WNK2: variants seen among roughly 807,000 people sequenced by gnomAD.
WNK2 encodes the protein serine/threonine-protein kinase WNK2.
WNK2 carries 67 observed loss-of-function variants against 192.1 expected under a neutral mutation model. The observed-to-expected ratio is 0.35, with a 90% CI of 0.29 to 0.43. The LOEUF (loss-of-function observed/expected upper bound fraction) is 0.43, where lower values mean the gene tolerates loss of function less well. Among genes scored for constraint, WNK2 ranks in the 20% least tolerant of loss-of-function variants. The pLI, the probability that WNK2 is intolerant of heterozygous loss-of-function variation, is 1.00. For missense variants in WNK2, 2,698 were observed against 3,089.7 expected, an observed-to-expected ratio of 0.87 and a Z score of 3.01; for synonymous variants, 1,439 against 1,393.9, an observed-to-expected ratio of 1.03 and a Z score of -0.72.
Position 93,256,457 on chromosome 9 carries a change from G to T in WNK2, c.2190+3G>T, listed in dbSNP as rs925672326. ...AGCCAGCACCCCCCGGCCAGCAGGTGAGTGTGGCACCTCCTGTGGCCACTG... is the reference window on the plus strand; with the variant it reads ...AGCCAGCACCCCCCGGCCAGCAGGTTAGTGTGGCACCTCCTGTGGCCACTG... On this transcript the variant is annotated splice_donor_region_variant and intron_variant, in intron 10 of 29. Coordinates refer to ENST00000427277, the MANE Select transcript of WNK2 (RefSeq NM_006648.4). The T allele has an allele frequency of 2.0e-6, 3 of 1,522,442 alleles. No homozygotes were observed. The highest frequency in any genetic ancestry group is 2.0e-5 in the Admixed American group (1 of 50,148). 94.3% of individuals were successfully genotyped at this position (1,522,442 alleles called of 1,614,324 possible).
intron 21 of WNK2, among the ~76,000 whole-genome samples, chr9:93,290,348 A>G (rs1284658126): frequency 1.4e-5 from 2 of 145,718 alleles, no homozygotes; most frequent in Admixed American, 6.9e-5. Flanking sequence ...TTTTTTTTTC[A>G]ATTTTTTAAA....
chr9:93,249,534 C>T (rs1028041607), intron 8 of WNK2, among the ~76,000 whole-genome samples: 12 of 151,680 alleles, frequency 7.9e-5, no homozygotes, highest in East Asian at 7.8e-4. Flanking sequence ...AGTGCAGTGG[C>T]GCGATCTCGG....
rs558126078 is a variant in WNK2 at position 93,236,855 on chromosome 9, C to T, written c.1234-1378C>T. Among the ~76,000 whole-genome samples, 12 of 152,382 alleles carry T rather than the reference C, an allele frequency of 7.9e-5. No homozygotes were observed. In the East Asian group the frequency reaches 2.1e-3, roughly 27 times the overall value. ...CCGGCTCTGTAGGAGGCATCCCATC[C>T]ACCGCATCATGGCGCTGCCTCTACT... On this transcript the variant is annotated intron_variant, in intron 5 of 29. Transcript: ENST00000427277.
chr9:93,249,551 G>A (rs1363170086), intron 8 of WNK2, among the ~76,000 whole-genome samples: 2 of 152,134 alleles, frequency 1.3e-5, no homozygotes, highest in African/African-American at 4.8e-5. Flanking sequence ...TCGGCTCACT[G>A]CAAGCTCCGC....
chr9:93,216,658 G>A (rs112051954), intron 2 of WNK2, among the ~76,000 whole-genome samples: 6,902 of 151,878 alleles, frequency 0.045, 224 homozygotes, highest in Non-Finnish European at 0.072. Flanking sequence ...GCCAGGCGTG[G>A]TAGCGAGCAC....
intron 28 of WNK2, among the ~76,000 whole-genome samples, chr9:93,315,238 T>C (rs1396020645): frequency 1.3e-5 from 2 of 152,218 alleles, no homozygotes; most frequent in African/African-American, 4.8e-5. Flanking sequence ...CGCAATGGGT[T>C]TGGCACCCAT....
chr9:93,277,763 T>G (rs1847158586), intron 19 of WNK2, among the ~76,000 whole-genome samples: 1 of 152,198 alleles, frequency 6.6e-6, no homozygotes, highest in African/African-American at 2.4e-5. Context: ...TGGTGGTAAC[T>G]AAATGGATAC....
chr9:93,202,634 A>G (rs1377964327), intron 2 of WNK2, among the ~76,000 whole-genome samples: 3 of 147,366 alleles, frequency 2.0e-5, no homozygotes, highest in African/African-American at 7.5e-5. Flanking sequence ...GGGAGGGAAA[A>G]TTACATGGGG....
chr9:93,320,262 C>A, intron 29 of WNK2, 105 bp from the exon 30 acceptor site: 1 of 1,277,762 alleles, frequency 7.8e-7, no homozygotes, highest in Non-Finnish European at 1.1e-6. Flanking sequence ...AGAGCTGGCG[C>A]AGCCTTCCCG....
At chr9:93,221,985 A>G (rs903203735) in intron 2 of WNK2, among the ~76,000 whole-genome samples, 1 of 152,166 alleles carries the variant, frequency 6.6e-6, no homozygotes. Flanking sequence ...CATCTTTTAC[A>G]ACTGTTTGAC....
intron 23 of WNK2, among the ~76,000 whole-genome samples, chr9:93,297,186 TCTC>T (rs1283826030): frequency 1.9e-5 from 2 of 105,142 alleles, no homozygotes; most frequent in African/African-American, 3.7e-5. Context: ...CCCTCCACAT[TCTC>T]CTCTCTGCAT....
chr9:93,204,472 G>T (rs1321814410), intron 2 of WNK2, among the ~76,000 whole-genome samples: 3 of 152,236 alleles, frequency 2.0e-5, no homozygotes, highest in Non-Finnish European at 2.9e-5. Flanking sequence ...GTGGGCCCCA[G>T]GAGGACTCAG....
chr9:93,263,810 CG>C, intron 15 of WNK2, 76 bp downstream of exon 15: 1 of 405,106 alleles, frequency 2.5e-6, no homozygotes, highest in South Asian at 2.0e-5. Flanking sequence ...GGGGCCGTGG[CG>C]GGGGTGTGGT....
At chr9:93,240,017 G>A in intron 7 of WNK2, 41 bp downstream of exon 7, 1 of 1,571,452 alleles carries the variant, frequency 6.4e-7, no homozygotes, top group Non-Finnish European at 8.7e-7. Flanking sequence ...TGCAGGTGTT[G>A]GCAGCTCGTG....
Position 93,247,488 on chromosome 9 carries a change from G to T in WNK2, c.1543-55G>T. 6.4e-7 allele frequency: 1 copy of T among 1,564,792 alleles called. No individual in the cohort carries two copies. The highest frequency in any genetic ancestry group is 8.7e-7 in the Non-Finnish European group (1 of 1,151,568). ...TGGGAAAGCACTTTAGGTAAGGGGTGTGGGCCGGTGAGGGCTGATCCCCAG... is the reference window on the plus strand; with the variant it reads ...TGGGAAAGCACTTTAGGTAAGGGGTTTGGGCCGGTGAGGGCTGATCCCCAG... On this transcript the variant is annotated intron_variant, in intron 7 of 29. Transcript: ENST00000427277. This position sits in a 1 kb window ranked among gnomAD's most constrained non-coding sequence, Gnocchi z 5.2.
intron 2 of WNK2, among the ~76,000 whole-genome samples, chr9:93,223,409 G>A (rs931711988): frequency 6.6e-6 from 1 of 152,244 alleles, no homozygotes; most frequent in African/African-American, 2.4e-5. Flanking sequence ...TCTTCCCCAG[G>A]CTGCCTGAAA....
intron 19 of WNK2, among the ~76,000 whole-genome samples, chr9:93,275,885 C>G (rs1226951578): frequency 1.3e-5 from 2 of 152,122 alleles, no homozygotes; most frequent in Non-Finnish European, 2.9e-5. Context: ...TTACATAGAT[C>G]CAAGTTTAAT....
At chr9:93,218,939 C>G (rs918126405) in intron 2 of WNK2, among the ~76,000 whole-genome samples, 1 of 152,200 alleles carries the variant, frequency 6.6e-6, no homozygotes, top group Non-Finnish European at 1.5e-5. Flanking sequence ...GCTCTCAGGA[C>G]TCATGCAGGG....
In WNK2 at chr9:93,259,395, ACTGCCCCCACAACCCGTG is replaced by A. The variant is rs1300200854; in HGVS notation, c.2856_2873del (p.Val955_Pro960del). On this transcript the variant is annotated inframe_deletion, in exon 12 of 30. Coordinates refer to ENST00000427277, the MANE Select transcript of WNK2 (RefSeq NM_006648.4). This position sits in a 1 kb window ranked among gnomAD's most constrained non-coding sequence, Gnocchi z 4.8. ...AGCCGGCACTGCCTCCACAACCCACACTGCCCCCACAACCCGTGCTGCCCCCGCAACCCACGCTGCCCC... is the reference window on the plus strand; with the variant it reads ...AGCCGGCACTGCCTCCACAACCCACACTGCCCCCGCAACCCACGCTGCCCC... 1.6e-5 allele frequency: 25 copies of A among 1,537,142 alleles called. No individual in the cohort carries two copies. In the Middle Eastern group the frequency reaches 5.1e-4, roughly 31 times the overall value.
Sources: gnomAD v4.1 joint callset for allele counts (sites outside exome capture counted in the v4.1 genomes callset) on GRCh38, gnomAD v4.1.1 for gene constraint, Gnocchi (gnomAD v3.1) non-coding constraint, MANE v1.5 for transcripts, NCBI Gene and HGNC (gene_info 2026-07-23, HGNC 2026-07-21) for gene names.